KIAA0825: variants seen among roughly 807,000 people sequenced by gnomAD.
The protein encoded by KIAA0825 is uncharacterized protein KIAA0825.
Under a neutral mutation model 147.6 loss-of-function variants are expected in KIAA0825, and 119 were observed. That is an observed-to-expected ratio of 0.81 (90% CI 0.69 to 0.94). The LOEUF (loss-of-function observed/expected upper bound fraction) is 0.94. KIAA0825 is among the 40% of genes least tolerant of loss of function. The pLI, the probability that KIAA0825 is intolerant of heterozygous loss-of-function variation, is 0.00. For synonymous variants in KIAA0825, 470 were observed against 518.1 expected (o/e 0.91, Z 1.26); for missense variants, 1,381 against 1,472.7 (o/e 0.94, Z 1.02).
At chr5:94,517,454 T>TG (rs1767442599) in intron 5 of KIAA0825, among the ~76,000 whole-genome samples, 1 of 151,874 alleles carries the variant, frequency 6.6e-6, no homozygotes, top group Non-Finnish European at 1.5e-5. Flanking sequence ...TGATGGAAAA[T>TG]TTACAGGTCA....
At chr5:94,535,668 G>A (rs891229430) in intron 3 of KIAA0825, among the ~76,000 whole-genome samples, 1 of 152,100 alleles carries the variant, frequency 6.6e-6, no homozygotes, top group Non-Finnish European at 1.5e-5. Context: ...TGAAATGCAA[G>A]CATCAAGGGA....
At chr5:94,605,583 C>T (rs183166091) in intron 1 of KIAA0825, among the ~76,000 whole-genome samples, 67 of 152,296 alleles carry the variant, frequency 4.4e-4, no homozygotes, top group African/African-American at 1.5e-3. Context: ...AACTAGGCTT[C>T]ATTCCCAGGA....
chr5:94,261,841 C>A (rs1035604914), intron 20 of KIAA0825, among the ~76,000 whole-genome samples: 31 of 152,074 alleles, frequency 2.0e-4, no homozygotes, highest in Non-Finnish European at 3.5e-4. Context: ...TTCAAGCCAC[C>A]ATCCCATCAT....
At chr5:94,545,029 A>T (rs1015943448) in intron 2 of KIAA0825, among the ~76,000 whole-genome samples, 1 of 151,780 alleles carries the variant, frequency 6.6e-6, no homozygotes, top group Non-Finnish European at 1.5e-5. Flanking sequence ...CAATCTATGC[A>T]CTTAGAAGAG....
At chr5:94,523,892 C>G (rs772553508) in intron 4 of KIAA0825, 38 bp downstream of exon 4, 27 of 1,352,122 alleles carry the variant, frequency 2.0e-5, no homozygotes, top group African/African-American at 2.9e-5. Flanking sequence ...TCCCTGTTTA[C>G]TCATCCCACT....
chr5:94,448,194 A>T (rs1444935551), intron 13 of KIAA0825, among the ~76,000 whole-genome samples: 7 of 151,054 alleles, frequency 4.6e-5, no homozygotes, highest in African/African-American at 1.7e-4. Flanking sequence ...TTTCTAAATC[A>T]ACTCACGTTG....
At chr5:94,408,324 T>C (rs1426940217) in intron 15 of KIAA0825, among the ~76,000 whole-genome samples, 3 of 152,124 alleles carry the variant, frequency 2.0e-5, no homozygotes, top group Non-Finnish European at 4.4e-5. Flanking sequence ...TGAATCCTTT[T>C]TTAAATTTTA....
intron 15 of KIAA0825, chr5:94,416,865 T>C (rs1179920638): frequency 5.3e-6 from 1 of 190,012 alleles, no homozygotes; most frequent in Non-Finnish European, 1.1e-5. Context: ...CAAAATACTT[T>C]TCACATCTTA....
chr5:94,363,713 T>TA (rs1745403051), intron 20 of KIAA0825, among the ~76,000 whole-genome samples: 1 of 151,678 alleles, frequency 6.6e-6, no homozygotes. Flanking sequence ...AAATTTTTTT[T>TA]AAAAACTAAC....
At chr5:94,400,715 T>C (rs1751264107) in intron 16 of KIAA0825, among the ~76,000 whole-genome samples, 1 of 152,144 alleles carries the variant, frequency 6.6e-6, no homozygotes, top group Non-Finnish European at 1.5e-5. Flanking sequence ...TGAAACATAA[T>C]GAAACAAATA....
chr5:94,611,175 A>C (rs926788577), intron 1 of KIAA0825, among the ~76,000 whole-genome samples: 1 of 152,186 alleles, frequency 6.6e-6, no homozygotes, highest in Non-Finnish European at 1.5e-5. Context: ...CACAAAAAAG[A>C]AGCCTTTTCC....
chr5:94,378,264 C>A (rs1378449330), intron 20 of KIAA0825, among the ~76,000 whole-genome samples: 1 of 152,152 alleles, frequency 6.6e-6, no homozygotes, highest in Non-Finnish European at 1.5e-5. Flanking sequence ...CCACTCCCTA[C>A]CCTCAAGTAA....
chr5:94,228,225 A>G (rs970021214), intron 20 of KIAA0825, among the ~76,000 whole-genome samples: 2 of 152,194 alleles, frequency 1.3e-5, no homozygotes, highest in Non-Finnish European at 2.9e-5. Context: ...AATAATACAT[A>G]CACATAGCTT....
chr5:94,333,850 A>G (rs1349413348), intron 20 of KIAA0825, among the ~76,000 whole-genome samples: 1 of 152,222 alleles, frequency 6.6e-6, no homozygotes, highest in Non-Finnish European at 1.5e-5. Context: ...TCCATTCACA[A>G]TTGCTACAAA....
intron 12 of KIAA0825, 103 bp downstream of exon 12, chr5:94,462,284 A>G: frequency 1.5e-6 from 1 of 667,506 alleles, no homozygotes; most frequent in Non-Finnish European, 2.4e-6. Flanking sequence ...ACTTCAGAAG[A>G]TTTCTACTTG....
At chr5:94,508,808 T>C (rs1425155417) in intron 5 of KIAA0825, among the ~76,000 whole-genome samples, 1 of 152,212 alleles carries the variant, frequency 6.6e-6, no homozygotes, top group Admixed American at 6.5e-5. Flanking sequence ...TCCAGTTCCT[T>C]GCTGACCCCT....
At chr5:94,300,207 G>T (rs1051774030) in intron 20 of KIAA0825, among the ~76,000 whole-genome samples, 1 of 151,958 alleles carries the variant, frequency 6.6e-6, no homozygotes, top group African/African-American at 2.4e-5. Flanking sequence ...ATGCACTAAG[G>T]TTGTATAATC....
chr5:94,570,082 C>G (rs74967115), intron 2 of KIAA0825: 11 of 152,524 alleles, frequency 7.2e-5, no homozygotes, highest in African/African-American at 2.7e-4. Flanking sequence ...TCTTTACCTT[C>G]CACTTCATTC....
At chr5:94,451,501 G>A (rs182409912) in intron 13 of KIAA0825, among the ~76,000 whole-genome samples, 1 of 152,140 alleles carries the variant, frequency 6.6e-6, no homozygotes, top group South Asian at 2.1e-4. Context: ...TTTCCACTAT[G>A]AGCTGAATAG....
Sources: gnomAD v4.1 joint callset for allele counts (sites outside exome capture counted in the v4.1 genomes callset) on GRCh38, gnomAD v4.1.1 for gene constraint, MANE v1.5 for transcripts, NCBI Gene and HGNC (gene_info 2026-07-23, HGNC 2026-07-21) for gene names.